DMD: variants seen among roughly 807,000 people sequenced by gnomAD.
DMD encodes the protein mutant dystrophin.
In DMD, 63 loss-of-function variants were observed where a neutral mutation model predicts 330.1. That is an observed-to-expected ratio of 0.19 (90% CI 0.16 to 0.24). The LOEUF is 0.24. Ranked by LOEUF, DMD falls within the 10% of genes least tolerant of loss-of-function variation. DMD has a pLI of 1.00. For missense variants in DMD, 3,344 were observed against 2,684.1 expected (o/e 1.25, Z -5.43); for synonymous variants, 1,223 against 959.8 (o/e 1.27, Z -5.07).
chrX:31,240,619 T>A (rs1426190766), intron 63 of DMD, among the ~76,000 whole-genome samples: 5 of 111,891 alleles, frequency 4.5e-5, no homozygotes, highest in Non-Finnish European at 9.4e-5. Context: ...GAAAACTTAA[T>A]GGGCTCTATT....
chrX:32,834,544 A>T (rs186227061), intron 4 of DMD, among the ~76,000 whole-genome samples: 9 of 111,778 alleles, frequency 8.1e-5, no homozygotes, highest in Admixed American at 9.5e-5. Flanking sequence ...TAATTCAGTG[A>T]CTATTTTCAA....
chrX:32,195,617 ATT>A (rs2096996131), intron 44 of DMD, among the ~76,000 whole-genome samples: 1 of 112,553 alleles, frequency 8.9e-6, no homozygotes, highest in African/African-American at 3.2e-5. Context: ...ATAAATGTAC[ATT>A]TTGTGGGAAG....
At position 33,026,151 on chromosome X, in the gene DMD, C is replaced by T. The variant is rs761732968; in HGVS notation, c.32-5951G>A. ...GAGATCAAGACCATCCTGGCTAACA[C>T]GGTGAAACCCCGTCTCTACTAAAAA... On this transcript the variant is annotated intron_variant, in intron 1 of 78. Coordinates refer to ENST00000357033, the MANE Select transcript of DMD (RefSeq NM_004006.3). 2.8e-4 allele frequency among the ~76,000 whole-genome samples: 30 copies of T among 107,282 alleles called. No homozygotes were observed. In the South Asian group the frequency reaches 8.4e-3, roughly 30 times the overall value. The allele number at this position is 107,282 out of a possible 115,157, so 93.2% of individuals were successfully genotyped here.
chrX:31,474,718 AAAATAAAAT>A (rs2067614773), intron 59 of DMD, among the ~76,000 whole-genome samples: 4 of 89,924 alleles, frequency 4.4e-5, no homozygotes, highest in African/African-American at 1.7e-4. Flanking sequence ...AAAAAAAAAT[AAAATAAAAT>A]AAAATAAAAT....
intron 60 of DMD, among the ~76,000 whole-genome samples, chrX:31,413,864 T>TAA (rs878936713): frequency 6.6e-5 from 4 of 60,714 alleles, no homozygotes; most frequent in African/African-American, 1.8e-4. Flanking sequence ...GTTGGCAAAG[T>TAA]AAAAAAAAAA....
chrX:32,472,769 T>C (rs1003545776), intron 21 of DMD, among the ~76,000 whole-genome samples: 11 of 111,267 alleles, frequency 9.9e-5, no homozygotes, highest in African/African-American at 3.6e-4. Flanking sequence ...TTTTAAATTA[T>C]ATCATGTCAT....
intron 4 of DMD, among the ~76,000 whole-genome samples, chrX:32,832,097 A>C (rs1017973334): frequency 1.8e-5 from 2 of 111,410 alleles, no homozygotes; most frequent in Admixed American, 1.9e-4. Context: ...ATTTGTCCTA[A>C]GAAGGAGTCA....
At chrX:32,638,941 CCAGT>C (rs1298064300) in intron 11 of DMD, among the ~76,000 whole-genome samples, 1 of 111,327 alleles carries the variant, frequency 9.0e-6, no homozygotes, top group Non-Finnish European at 1.9e-5. Context: ...ATTTTTCTGT[CCAGT>C]CAAAGCATTG....
intron 51 of DMD, among the ~76,000 whole-genome samples, chrX:31,749,232 C>T (rs1159641059): frequency 8.4e-4 from 90 of 106,708 alleles, no homozygotes; most frequent in Admixed American, 1.5e-3. Flanking sequence ...CATGCTGGCA[C>T]GCTGCACCCA....
intron 1 of DMD, among the ~76,000 whole-genome samples, chrX:33,044,975 T>TA (rs2094357260): frequency 9.0e-6 from 1 of 110,993 alleles, no homozygotes; most frequent in African/African-American, 3.3e-5. Flanking sequence ...TGCATGAATA[T>TA]AAAAAATGAG....
At chrX:32,809,378 G>T (rs2077178884) in intron 7 of DMD, 115 bp downstream of exon 7, 5 of 612,081 alleles carry the variant, frequency 8.2e-6, no homozygotes, top group South Asian at 2.3e-5. Context: ...TATATCTACA[G>T]TATTGGAAAA....
At chrX:32,907,758 G>C (rs1377484212) in intron 2 of DMD, among the ~76,000 whole-genome samples, 1 of 112,084 alleles carries the variant, frequency 8.9e-6, no homozygotes, top group East Asian at 2.8e-4. Flanking sequence ...GTAATTAAAT[G>C]ACAAAATACT....
At chrX:32,611,336 G>A (rs1348810852) in intron 12 of DMD, among the ~76,000 whole-genome samples, 2 of 110,707 alleles carry the variant, frequency 1.8e-5, no homozygotes, top group African/African-American at 6.5e-5. Context: ...GCCTCTTTAT[G>A]CCCTTTAAAT....
At chrX:33,123,777 C>T (rs1367448177) in intron 1 of DMD, among the ~76,000 whole-genome samples, 1 of 107,997 alleles carries the variant, frequency 9.3e-6, no homozygotes, top group Non-Finnish European at 1.9e-5. Context: ...AACCAGAATG[C>T]CTTTTGTTCT....
At chrX:31,216,302 C>T (rs2045404808) in intron 64 of DMD, among the ~76,000 whole-genome samples, 1 of 112,365 alleles carries the variant, frequency 8.9e-6, no homozygotes, top group Non-Finnish European at 1.9e-5. Flanking sequence ...GTTCTTTAAT[C>T]TCTTTAGCAT....
chrX:31,877,373 T>G (rs919329978), intron 47 of DMD, among the ~76,000 whole-genome samples: 3 of 111,108 alleles, frequency 2.7e-5, no homozygotes, highest in Non-Finnish European at 5.7e-5. Context: ...CGTGTGGAAC[T>G]GCACCTCATC....
chrX:31,343,608 TGTGTGTGTGTGAGA>T (rs1338767299), intron 61 of DMD, among the ~76,000 whole-genome samples: 3 of 95,615 alleles, frequency 3.1e-5, no homozygotes, highest in Non-Finnish European at 6.5e-5. Context: ...TGTGTGTGTG[TGTGTGTGTGTGAGA>T]GAGAGAGAGA....
At position 31,138,686 on chromosome X, in the gene DMD, A is replaced by AGAGAGTGT. The variant is rs745406001; in HGVS notation, c.10922-4493_10922-4492insACACTCTC. ...GAGAGAGAGAGAGAGAGAGAGAGAGAGAAGGGGGAAGTGCCACACACTTTA... is the reference window on the plus strand; with the variant it reads ...GAGAGAGAGAGAGAGAGAGAGAGAGAGAGAGTGTGAAGGGGGAAGTGCCACACACTTTA... On this transcript the variant is annotated intron_variant, in intron 76 of 78. Transcript: ENST00000357033. Among the ~76,000 whole-genome samples the AGAGAGTGT allele has an allele frequency of 1.6e-3, 142 of 87,464 alleles. 11 individuals carry two copies. Among genetic ancestry groups the AGAGAGTGT allele is most frequent in the South Asian group, 0.011 (18 of 1,607 alleles). The allele number at this position is 87,464 out of a possible 115,157, so 76.0% of individuals were successfully genotyped here. A position where few individuals can be genotyped will look rare whatever the true frequency, so the allele number is the denominator to read the frequency against.
At chrX:32,826,485 T>TAC (rs943686219) in intron 4 of DMD, among the ~76,000 whole-genome samples, 21 of 110,875 alleles carry the variant, frequency 1.9e-4, no homozygotes, top group South Asian at 3.8e-4. Flanking sequence ...TATACAGACC[T>TAC]ACACACACAC....
Sources: allele counts gnomAD v4.1 joint callset (sites outside exome capture counted in the v4.1 genomes callset), GRCh38; gene constraint gnomAD v4.1.1; transcripts MANE v1.5; gene names NCBI Gene and HGNC (gene_info 2026-07-23, HGNC 2026-07-21).